The following IL3RA variants were observed in gnomAD, a reference collection of about 807,000 sequenced individuals.
The protein encoded by IL3RA is interleukin-3 receptor subunit alpha.
IL3RA carries 73 observed loss-of-function variants against 52.3 expected under a neutral mutation model. That is an observed-to-expected ratio of 1.40 (90% confidence interval 1.16 to 1.70). The LOEUF is 1.70. Among genes scored for constraint, IL3RA ranks in the 40% most tolerant of loss-of-function variants. The pLI, the probability that IL3RA is intolerant of heterozygous loss-of-function variation, is 0.00. For missense variants in IL3RA, 664 were observed against 504.4 expected (o/e 1.32, Z -3.03); for synonymous variants, 260 against 194.0 (o/e 1.34, Z -2.83).
At chrX:1,351,651 C>T (rs372231472) in intron 4 of IL3RA, among the ~76,000 whole-genome samples, 3 of 133,380 alleles carry the variant, frequency 2.2e-5, no homozygotes, top group Admixed American at 8.0e-5. Context: ...TTTTTTGAGA[C>T]GAAGGCTCAC....
In IL3RA at chrX:1,345,404, G is replaced by C. The variant is rs144300259; in HGVS notation, c.153G>C (p.Glu51Asp). The C allele has an allele frequency of 2.4e-5, 38 of 1,608,088 alleles. No individual in the cohort carries two copies. The highest frequency in any genetic ancestry group is 3.3e-4 in the Middle Eastern group (2 of 6,056). Reference sequence around the variant, plus strand: ...TTAACAGAAATGTGACCGATATCGAGTGTGTTAAAGACGCCGACTATTCTA... The same window carrying C: ...TTAACAGAAATGTGACCGATATCGACTGTGTTAAAGACGCCGACTATTCTA... ...WDLNRNVTDI[E>D]CVKDADYSMP... is the part of the protein sequence containing the mutation. Residue 51 changes from glutamate to aspartate, a missense_variant, in exon 3 of 12, where the codon GAG becomes GAC. Glu to Asp is a conservative substitution (Grantham distance 45). Transcript: ENST00000331035.
In IL3RA at chrX:1,358,037, G is replaced by A. The variant is rs147450993; in HGVS notation, c.733-824G>A. Reference sequence around the variant, plus strand: ...GGAGAATGGCGTAAACCCAGAAGGCGGAGCTTGCAGCGAGCTGAGATTGTG... The same window carrying A: ...GGAGAATGGCGTAAACCCAGAAGGCAGAGCTTGCAGCGAGCTGAGATTGTG... On this transcript the variant is annotated intron_variant, in intron 7 of 11. Coordinates refer to ENST00000331035, the MANE Select transcript of IL3RA (RefSeq NM_002183.4). Among the ~76,000 whole-genome samples the A allele has an allele frequency of 4.0e-3, 605 of 151,718 alleles. 17 individuals are homozygous for A. In the South Asian group the frequency reaches 0.066, roughly 16 times the overall value.
At chrX:1,348,853 C>G (rs188323315) in intron 4 of IL3RA, among the ~76,000 whole-genome samples, 2 of 134,504 alleles carry the variant, frequency 1.5e-5, no homozygotes, top group South Asian at 2.5e-4. Context: ...TCCTTCCCAC[C>G]CTACTTCCTC....
At chrX:1,347,444 C>G (rs1569520294) in intron 3 of IL3RA, among the ~76,000 whole-genome samples, 1 of 147,958 alleles carries the variant, frequency 6.8e-6, no homozygotes, top group Admixed American at 6.7e-5. Context: ...GACTCTGTCT[C>G]AAAAAAACAA....
At chrX:1,367,563 CGCCGGGTGCGCGGGGTGAGCGGGGTGA>C (rs2088205504) in intron 9 of IL3RA, among the ~76,000 whole-genome samples, 3 of 70,898 alleles carry the variant, frequency 4.2e-5, no homozygotes, top group Non-Finnish European at 7.4e-5. Flanking sequence ...GCGCGGGGTG[CGCCGGGTGCGCGGGGTGAGCGGGGTGA>C]GCCGGGTGCG....
intron 4 of IL3RA, 105 bp downstream of exon 4, chrX:1,348,650 CTT>C (rs1299048382): frequency 1.1e-4 from 39 of 357,384 alleles, no homozygotes; most frequent in South Asian, 8.4e-4. Context: ...TTTTCTCTTT[CTT>C]TCTTTCTTTC....
At chrX:1,348,371 C>T (rs17883183) in intron 3 of IL3RA, 60 bp from the exon 4 acceptor site, 6 of 1,322,338 alleles carry the variant, frequency 4.5e-6, no homozygotes, top group Middle Eastern at 1.8e-4. Context: ...ATCTGAACAT[C>T]ATTAGCGTCA....
At chrX:1,359,673 T>G (rs1172632772) in intron 8 of IL3RA, among the ~76,000 whole-genome samples, 2 of 150,724 alleles carry the variant, frequency 1.3e-5, no homozygotes, top group African/African-American at 4.9e-5. Flanking sequence ...CCGCTCCGTG[T>G]CTGTCTCTAT....
intron 4 of IL3RA, among the ~76,000 whole-genome samples, chrX:1,349,002 T>A (rs1380710404): frequency 2.1e-5 from 3 of 139,752 alleles, no homozygotes; most frequent in African/African-American, 8.0e-5. Context: ...TCCCCTCCCT[T>A]CCCCTCCTCT....
intron 4 of IL3RA, 80 bp downstream of exon 4, chrX:1,348,625 T>C (rs1443222085): frequency 2.3e-6 from 2 of 863,258 alleles, no homozygotes; most frequent in African/African-American, 3.5e-5. Flanking sequence ...CTTCGCTGTG[T>C]CTTTTTTCTT....
At chrX:1,368,154 G>C (rs2088314443) in intron 9 of IL3RA, among the ~76,000 whole-genome samples, 1 of 152,166 alleles carries the variant, frequency 6.6e-6, no homozygotes, top group African/African-American at 2.4e-5. Flanking sequence ...AGCTACTCGG[G>C]AGGCTGAGGC....
At position 1,378,761 on chromosome X, in the gene IL3RA, G is replaced by A; in HGVS notation, c.977G>A (p.Arg326Lys). Residue 326 changes from arginine (R) to lysine (K), a missense_variant, in exon 10 of 12, where the codon AGA becomes AAA. Arg to Lys is a conservative substitution (Grantham distance 26). Transcript: ENST00000331035. ...LALVCVFVIC[R>K]RYLVMQRLFP... ...CTGGTCTGTGTCTTCGTGATCTGCA[G>A]AAGGTGAGCCCTCGAGGGCGTCCGC... The A allele has an allele frequency of 6.2e-7, 1 of 1,612,186 alleles. No homozygotes were observed. Among genetic ancestry groups the A allele is most frequent in the Non-Finnish European group, 8.5e-7 (1 of 1,179,764 alleles).
intron 8 of IL3RA, among the ~76,000 whole-genome samples, chrX:1,363,336 T>C (rs1277320354): frequency 1.3e-5 from 2 of 148,160 alleles, no homozygotes; most frequent in Non-Finnish European, 3.0e-5. Flanking sequence ...AGTCTCGCTC[T>C]GTCACCCAGG....
Position 1,348,682 on chromosome X carries a change from CTTTCTTTCTT to C in IL3RA, c.298+149_298+158del, listed in dbSNP as rs2085917363. 39 of 497,558 alleles carry C rather than the reference CTTTCTTTCTT, an allele frequency of 7.8e-5. 2 individuals carry two copies. The highest frequency in any genetic ancestry group is 3.7e-4 in the East Asian group (12 of 32,802). 30.8% of individuals were successfully genotyped at this position (497,558 alleles called of 1,614,324 possible). On this transcript the variant is annotated intron_variant, in intron 4 of 11. Coordinates refer to ENST00000331035, the MANE Select transcript of IL3RA (RefSeq NM_002183.4). ...TCTTTCTTTCTTTCTTTCTTTCTTTCTTTCTTTCTTTTTCTTTCTTTCTGTTTCTGTTTCT... is the reference window on the plus strand; with the variant it reads ...TCTTTCTTTCTTTCTTTCTTTCTTTCTTTCTTTCTTTCTGTTTCTGTTTCT...
chrX:1,349,007 T>C (rs753001025), intron 4 of IL3RA, among the ~76,000 whole-genome samples: 81 of 118,992 alleles, frequency 6.8e-4, no homozygotes, highest in Non-Finnish European at 1.1e-3. Flanking sequence ...TCCCTTCCCC[T>C]CCTCTCCCCT....
At chrX:1,344,628 C>T (rs2085646635) in intron 2 of IL3RA, among the ~76,000 whole-genome samples, 1 of 148,652 alleles carries the variant, frequency 6.7e-6, no homozygotes, top group Non-Finnish European at 1.5e-5. Flanking sequence ...CAAAAATTAG[C>T]CGGGCGTGGT....
intron 10 of IL3RA, among the ~76,000 whole-genome samples, chrX:1,380,604 AG>A (rs1274993573): frequency 1.5e-4 from 2 of 13,286 alleles, no homozygotes; most frequent in Admixed American, 1.6e-3. Context: ...GGAGGAGGAG[AG>A]GGGAGGATGA....
At chrX:1,361,756 A>G (rs1327477357) in intron 8 of IL3RA, among the ~76,000 whole-genome samples, 6 of 13,826 alleles carry the variant, frequency 4.3e-4, no homozygotes, top group Admixed American at 7.2e-4. Context: ...CCGTCTCGAG[A>G]AAAAAAAAAA....
In IL3RA at chrX:1,352,220, T is replaced by C; in HGVS notation, c.419T>C (p.Leu140Ser). The C allele has an allele frequency of 6.2e-7, 1 of 1,613,664 alleles. No homozygotes were observed. Among genetic ancestry groups the C allele is most frequent in the Non-Finnish European group, 8.5e-7 (1 of 1,179,758 alleles). The stretch of plus-strand genomic sequence containing the variant: ...GCGGACGTCCAGTACGACCTGTACT[T>C]GAACGTTGCCAAGTAGGTGTGCCCG... ...APADVQYDLYLNVANRRQQYE... is the reference protein window; with the variant it reads ...APADVQYDLYSNVANRRQQYE... The change falls in exon 5 of 12, where the codon TTG becomes TCG. Residue 140 changes from leucine (L) to serine (S), a missense_variant. By Grantham distance (145) the Leu-to-Ser change is moderately radical. Transcript: ENST00000331035.
Sources: allele counts gnomAD v4.1 joint callset (sites outside exome capture counted in the v4.1 genomes callset), GRCh38; gene constraint gnomAD v4.1.1; transcripts MANE v1.5; gene names NCBI Gene and HGNC (gene_info 2026-07-23, HGNC 2026-07-21).